The following ITGA10 variants were observed in gnomAD, a reference collection of about 807,000 sequenced individuals.
ITGA10 encodes integrin subunit alpha 10.
ITGA10 carries 105 observed loss-of-function variants against 145.2 expected under a neutral mutation model. The observed-to-expected ratio is 0.72, with a 90% confidence interval of 0.62 to 0.85. ITGA10 has a LOEUF of 0.85. Ranked by LOEUF, ITGA10 falls within the 40% of genes least tolerant of loss-of-function variation. The pLI, the probability that ITGA10 is intolerant of heterozygous loss-of-function variation, is 0.00. For missense variants in ITGA10, 1,317 were observed against 1,444.5 expected, an observed-to-expected ratio of 0.91 and a Z score of 1.43; for synonymous variants, 506 against 557.8, an observed-to-expected ratio of 0.91 and a Z score of 1.31.
At chr1:145,909,830 C>T in intron 1 of ITGA10, 133 bp downstream of exon 1, 3 of 744,788 alleles carry the variant, frequency 4.0e-6, no homozygotes, top group East Asian at 2.6e-5. Context: ...CACAGACACA[C>T]ATACAAGAAA....
At chr1:145,897,445 G>C in intron 20 of ITGA10, 67 bp downstream of exon 20, 1 of 1,601,584 alleles carries the variant, frequency 6.2e-7, no homozygotes, top group Non-Finnish European at 8.6e-7. Context: ...TCACAGCTGA[G>C]GCCAATACCC....
At position 145,909,968 on chromosome 1, in the gene ITGA10, AG is replaced by A; in HGVS notation, c.46del (p.Leu16Ter). Reference protein sequence around the residue: ...VTHLFLPLVFLTGLCSPFNLD... With the variant: ...VTHLFLPLVFXTGLCSPFNLD... Reference sequence around the variant, plus strand: ...AAGAAGTTAACTTCCCTCACCTGTCAGGAACACCAGGGGCAAGAACAGGTGA... The same window carrying A: ...AAGAAGTTAACTTCCCTCACCTGTCAGAACACCAGGGGCAAGAACAGGTGA... On this transcript the variant is annotated frameshift_variant, in exon 1 of 30. Transcript: ENST00000369304. LOFTEE classifies it high-confidence loss of function. The A allele has an allele frequency of 6.2e-7, 1 of 1,613,288 alleles. No individual in the cohort carries two copies. The highest frequency in any genetic ancestry group is 8.5e-7 in the Non-Finnish European group (1 of 1,179,402).
intron 1 of ITGA10, 58 bp from the exon 2 acceptor site, chr1:145,907,523 C>G: frequency 1.2e-6 from 2 of 1,604,566 alleles, no homozygotes; most frequent in South Asian, 1.1e-5. Flanking sequence ...AGGCACAGCC[C>G]GAGAGAAGCT....
At position 145,907,077 on chromosome 1, in the gene ITGA10, C is replaced by A. The variant is rs1553751453; in HGVS notation, c.238G>T (p.Gly80Trp). The A allele has an allele frequency of 1.3e-6, 2 of 1,562,858 alleles. No homozygotes were observed. Among genetic ancestry groups the A allele is most frequent in the Non-Finnish European group, 8.7e-7 (1 of 1,153,078 alleles). The change falls in exon 3 of 30, where the codon GGG becomes TGG. Residue 80 changes from glycine to tryptophan, a missense_variant. Coordinates refer to ENST00000369304, the MANE Select transcript of ITGA10 (RefSeq NM_003637.5). ...RGDVYRCPVG[G>W]AHNAPCAKGH... ...TTGGCACATGGGGCATTGTGGGCCC[C>A]CCCTACAGGGCAGCGATAAACGTCC...
chr1:145,907,261 A>G, intron 2 of ITGA10, 93 bp downstream of exon 2: 3 of 1,603,564 alleles, frequency 1.9e-6, no homozygotes, highest in Non-Finnish European at 2.6e-6. Flanking sequence ...CACTTTCAAA[A>G]GACCAGATTA....
chr1:145,909,988 C>T lies in ITGA10; in HGVS notation c.27G>A (p.Leu9=). Residue 9 remains leucine (L), a synonymous_variant, in exon 1 of 30, where the codon CTG becomes CTA. Transcript: ENST00000369304. The part of the protein sequence containing the change: MELPFVTH[L]FLPLVFLTGL... ...CTGTCAGGAACACCAGGGGCAAGAA[C>T]AGGTGAGTGACGAAGGGGAGTTCCA... 1 of 1,613,486 alleles carries T rather than the reference C, an allele frequency of 6.2e-7. No individual in the cohort carries two copies.
At chr1:145,904,532 C>G (rs1656842129) in intron 6 of ITGA10, 152 bp downstream of exon 6, 3 of 813,610 alleles carry the variant, frequency 3.7e-6, no homozygotes, top group Non-Finnish European at 5.7e-6. Context: ...CCATGCCTGG[C>G]TATTTTTTTT....
intron 10 of ITGA10, 21 bp from the exon 11 acceptor site, chr1:145,902,042 G>A: frequency 6.2e-7 from 1 of 1,613,328 alleles, no homozygotes; most frequent in Non-Finnish European, 8.5e-7. Flanking sequence ...GAAGCAGATG[G>A]GGTCACTGAG....
At position 145,891,790 on chromosome 1, in the gene ITGA10, G is replaced by A. The variant is rs587728620; in HGVS notation, c.*1008C>T. 1 of 152,322 alleles carries A rather than the reference G, an allele frequency of 6.6e-6. No homozygotes were observed. Among genetic ancestry groups the A allele is most frequent in the South Asian group, 2.1e-4 (1 of 4,824 alleles). 9.4% of individuals were successfully genotyped at this position (152,322 alleles called of 1,614,324 possible). ...CCCAGAGCCCCATGCCACCCATGTA[G>A]GTTTCTTAATGCAGACTCCACACTT... On this transcript the variant is annotated 3_prime_UTR_variant, in exon 30 of 30. Transcript: ENST00000369304.
intron 9 of ITGA10, 59 bp downstream of exon 9, chr1:145,902,395 G>A (rs955257625): frequency 1.2e-6 from 2 of 1,607,634 alleles, no homozygotes; most frequent in African/African-American, 2.7e-5. Context: ...TCACTCCAGA[G>A]CCCCACCTAC....
At chr1:145,895,457 C>G (rs1553744588) in intron 26 of ITGA10, 64 bp from the exon 27 acceptor site, 2 of 1,428,238 alleles carry the variant, frequency 1.4e-6, no homozygotes, top group South Asian at 1.2e-5. Context: ...CTTTCCCCAC[C>G]TCTAGTTCAC....
Position 145,899,226 on chromosome 1 carries a change from G to C in ITGA10, c.2038C>G (p.Leu680Val). 6.2e-7 allele frequency: 1 copy of C among 1,614,232 alleles called. No individual in the cohort carries two copies. Among genetic ancestry groups the C allele is most frequent in the African/African-American group, 1.3e-5 (1 of 75,068 alleles). The change falls in exon 16 of 30, where the codon CTT becomes GTT. Residue 680 changes from leucine to valine, a missense_variant. By Grantham distance (32) the Leu-to-Val change is conservative (BLOSUM62 1). Coordinates refer to ENST00000369304, the MANE Select transcript of ITGA10 (RefSeq NM_003637.5). ...GQEAVCLTAA[L>V]CFQVTSRTPG... ...GTACGGGAGGTCACTTGGAAGCAAA[G>C]GGCTGCAGTCAGACAGACTGCCTCT...
chr1:145,893,413 G>T (rs1004043912), intron 28 of ITGA10, 127 bp downstream of exon 28: 40 of 933,300 alleles, frequency 4.3e-5, no homozygotes, highest in Non-Finnish European at 6.6e-5. Context: ...CAGGAATGGC[G>T]GCAGTGGAAC....
chr1:145,902,701 G>T (rs782348161), intron 8 of ITGA10, 82 bp from the exon 9 acceptor site: 12 of 1,539,992 alleles, frequency 7.8e-6, no homozygotes, highest in Middle Eastern at 1.8e-4. Flanking sequence ...CTGAAGTCTG[G>T]GAAGTAGTTA....
intron 23 of ITGA10, 49 bp downstream of exon 23, chr1:145,896,720 G>A (rs782022064): frequency 2.1e-6 from 3 of 1,423,790 alleles, no homozygotes; most frequent in Non-Finnish European, 3.0e-6. Flanking sequence ...CAGCATAAGG[G>A]TATGAGTCTG....
At chr1:145,903,062 CA>C in intron 7 of ITGA10, 101 bp from the exon 8 acceptor site, 1 of 995,482 alleles carries the variant, frequency 1.0e-6, no homozygotes, top group Non-Finnish European at 1.4e-6. Flanking sequence ...CACACACACA[CA>C]CACAGGATTT....
chr1:145,892,812 T>G lies in ITGA10; in HGVS notation c.3490A>C (p.Lys1164Gln). The change falls in exon 30 of 30, where the codon AAG becomes CAG. Residue 1164 changes from lysine to glutamine, a missense_variant. Lys to Gln is a moderately conservative substitution (Grantham distance 53). Transcript: ENST00000369304. ...TTATTCTACATTCATTGCTCCAACT[T>G]CTCTTCTCTTTTTTCTTCCTCAGGG... ...KIPEEEKREE[K>Q]LEQ 2 of 1,613,292 alleles carry G rather than the reference T, an allele frequency of 1.2e-6. No homozygotes were observed. Among genetic ancestry groups the G allele is most frequent in the South Asian group, 1.1e-5 (1 of 91,060 alleles).
chr1:145,895,593 T>C, intron 26 of ITGA10, 38 bp downstream of exon 26: 1 of 1,598,962 alleles, frequency 6.3e-7, no homozygotes, highest in Non-Finnish European at 8.6e-7. Flanking sequence ...CCAACTCCAC[T>C]TGCATTCCCA....
Position 145,904,585 on chromosome 1 carries a change from G to A in ITGA10, c.609+99C>T, listed in dbSNP as rs1364570374. On this transcript the variant is annotated intron_variant, in intron 6 of 29. Transcript: ENST00000369304. ...AGATGAGGTCTCACTGTATTGCCCA[G>A]GCTAGTCTTGAACTCCTGGCCTCAG... The A allele has an allele frequency of 1.2e-5, 16 of 1,296,030 alleles. No individual in the cohort carries two copies. The Admixed American group carries it at 2.7e-4, about 22-fold the overall frequency. 80.3% of individuals were successfully genotyped at this position (1,296,030 alleles called of 1,614,324 possible). A position where few individuals can be genotyped will look rare whatever the true frequency, so the allele number is the denominator to read the frequency against.
Sources: gnomAD v4.1 joint callset for allele counts on GRCh38, gnomAD v4.1.1 for gene constraint, MANE v1.5 for transcripts, NCBI Gene and HGNC (gene_info 2026-07-23, HGNC 2026-07-21) for gene names.